RALGAPB: variants seen among roughly 807,000 people sequenced by gnomAD.
RALGAPB encodes the protein Ral GTPase activating protein non-catalytic subunit beta, also known as ral GTPase-activating protein subunit beta.
RALGAPB carries 25 observed loss-of-function variants against 161.1 expected under a neutral mutation model. That is an observed-to-expected ratio of 0.16 (90% CI 0.11 to 0.22). The LOEUF is 0.22. Ranked by LOEUF, RALGAPB falls within the 10% of genes least tolerant of loss-of-function variation. The probability of loss-of-function intolerance (pLI) is 1.00; values close to 1 mark genes in which losing one functional copy is unlikely to be tolerated. For synonymous variants in RALGAPB, 629 were observed against 626.1 expected, an observed-to-expected ratio of 1.00 and a Z score of -0.07; for missense variants, 1,391 against 1,815.2, an observed-to-expected ratio of 0.77 and a Z score of 4.25.
In RALGAPB at chr20:38,577,110, G is replaced by A. The variant is rs979075602; in HGVS notation, c.*2143G>A. On this transcript the variant is annotated 3_prime_UTR_variant, in exon 30 of 30. Transcript: ENST00000262879. ...AAGGAAGGATGTGCAGCCCCTGAAG[G>A]CATGAAACTCCCAGTGTGTACGGAG... is the stretch of plus-strand genomic sequence containing the variant. The A allele has an allele frequency of 3.3e-5, 5 of 152,276 alleles. No homozygotes were observed. The highest frequency in any genetic ancestry group is 1.2e-4 in the African/African-American group (5 of 41,556). The allele number at this position is 152,276 out of a possible 1,614,324, so 9.4% of individuals were successfully genotyped here.
intron 3 of RALGAPB, among the ~76,000 whole-genome samples, chr20:38,496,751 G>A (rs932739582): frequency 6.6e-6 from 1 of 152,186 alleles, no homozygotes; most frequent in Non-Finnish European, 1.5e-5. Flanking sequence ...CTTTGGCTAA[G>A]TGTCTTTTTC....
Position 38,525,468 on chromosome 20 carries a change from C to G in RALGAPB, c.1852C>G (p.Leu618Val). ...TELRRSSINI[L>V]LSLLPLPHHF... Reference sequence around the variant, plus strand: ...ATTGCGAAGATCCTCCATTAATATCCTGCTTTCTTTGTTGCCCCTCCCTCA... The same window carrying G: ...ATTGCGAAGATCCTCCATTAATATCGTGCTTTCTTTGTTGCCCCTCCCTCA... Residue 618 changes from leucine (L) to valine (V), a missense_variant, in exon 12 of 30, where the codon CTG becomes GTG. Leu to Val is a conservative substitution (Grantham distance 32). Coordinates refer to ENST00000262879, the MANE Select transcript of RALGAPB (RefSeq NM_020336.4). 6.2e-7 allele frequency: 1 copy of G among 1,606,710 alleles called. No individual in the cohort carries two copies. The highest frequency in any genetic ancestry group is 8.5e-7 in the Non-Finnish European group (1 of 1,178,142).
intron 6 of RALGAPB, among the ~76,000 whole-genome samples, chr20:38,513,433 G>A (rs2086029502): frequency 6.7e-6 from 1 of 150,172 alleles, no homozygotes; most frequent in Non-Finnish European, 1.5e-5. Context: ...GAACCGGGAA[G>A]CAGAGGTTGC....
chr20:38,564,947 C>T (rs1286015624), intron 24 of RALGAPB, among the ~76,000 whole-genome samples: 1 of 148,584 alleles, frequency 6.7e-6, no homozygotes, highest in African/African-American at 2.5e-5. Flanking sequence ...CTTCCCCCCT[C>T]TCTCTCTCTC....
intron 20 of RALGAPB, among the ~76,000 whole-genome samples, chr20:38,550,703 C>G (rs968361600): frequency 6.6e-6 from 1 of 152,078 alleles, no homozygotes; most frequent in African/African-American, 2.4e-5. Context: ...CCAAACTTGT[C>G]TTTAATTATA....
chr20:38,546,180 T>C (rs1163930149), intron 18 of RALGAPB, 63 bp from the exon 19 acceptor site: 4 of 1,605,386 alleles, frequency 2.5e-6, no homozygotes, highest in Non-Finnish European at 3.4e-6. Flanking sequence ...GACACATTGA[T>C]GCACAAGGTA....
In RALGAPB at chr20:38,472,984, A is replaced by T; in HGVS notation, c.-116A>T. On this transcript the variant is annotated 5_prime_UTR_variant, in exon 1 of 30. An upstream start codon of the reference 5' UTR is lost. Coordinates refer to ENST00000262879, the MANE Select transcript of RALGAPB (RefSeq NM_020336.4). ...CCAGGGCGGTGAAAGCGCCAGCCCT[A>T]TGGCGCGGGTCGCGTGAGGCGGAAG... 1 of 397,862 alleles carries T rather than the reference A, an allele frequency of 2.5e-6. No individual in the cohort carries two copies. Among genetic ancestry groups the T allele is most frequent in the Non-Finnish European group, 4.4e-6 (1 of 225,348 alleles). The allele number at this position is 397,862 out of a possible 1,614,324, so 24.6% of individuals were successfully genotyped here. A position where few individuals can be genotyped will look rare whatever the true frequency, so the allele number is the denominator to read the frequency against.
intron 1 of RALGAPB, among the ~76,000 whole-genome samples, chr20:38,487,154 T>A (rs1568901507): frequency 6.6e-6 from 1 of 152,158 alleles, no homozygotes; most frequent in Admixed American, 6.5e-5. Flanking sequence ...GGCAGTTCAG[T>A]CAGTGGGAGC....
chr20:38,548,712 G>T lies in RALGAPB; in HGVS notation c.2926G>T (p.Val976Leu), dbSNP rs2087258107. Residue 976 changes from valine (V) to leucine (L), a missense_variant, in exon 20 of 30, where the codon GTG becomes TTG. Around this residue, in one of 3 missense-constraint regions of RALGAPB, gnomAD observed 946 missense variants for 1,257.2 expected, o/e 0.75. Transcript: ENST00000262879. Reference sequence around the variant, plus strand: ...AGATGATTTTTTCCCCTCTGTCACTGTGCTGGTCCGGGGAATGTCTGGAAG... The same window carrying T: ...AGATGATTTTTTCCCCTCTGTCACTTTGCTGGTCCGGGGAATGTCTGGAAG... ...EQNDFFPSVT[V>L]LVRGMSGRLA... 3 of 1,613,702 alleles carry T rather than the reference G, an allele frequency of 1.9e-6. No individual in the cohort carries two copies. The African/African-American group carries it at 4.0e-5, about 22-fold the overall frequency.
intron 6 of RALGAPB, among the ~76,000 whole-genome samples, chr20:38,510,067 A>G (rs991499019): frequency 1.3e-5 from 2 of 151,776 alleles, no homozygotes; most frequent in Non-Finnish European, 1.5e-5. Context: ...TTCCTTTGTA[A>G]TAGTAAGTTC....
At chr20:38,503,233 A>G (rs2085648730) in intron 5 of RALGAPB, among the ~76,000 whole-genome samples, 1 of 152,256 alleles carries the variant, frequency 6.6e-6, no homozygotes, top group Non-Finnish European at 1.5e-5. Flanking sequence ...GCTTCTGATT[A>G]GAAGTAGGCT....
intron 21 of RALGAPB, among the ~76,000 whole-genome samples, chr20:38,552,533 A>T (rs529405140): frequency 6.6e-6 from 1 of 152,288 alleles, no homozygotes; most frequent in East Asian, 1.9e-4. Flanking sequence ...AAACCAGTAG[A>T]GAGGAGTCTG....
At chr20:38,567,899 C>T (rs1040118217) in intron 26 of RALGAPB, among the ~76,000 whole-genome samples, 2 of 152,030 alleles carry the variant, frequency 1.3e-5, no homozygotes, top group Non-Finnish European at 1.5e-5. Context: ...AAAGAGAATA[C>T]GGGGAGGTTT....
intron 18 of RALGAPB, 43 bp downstream of exon 18, chr20:38,541,235 G>A: frequency 1.9e-6 from 3 of 1,568,628 alleles, no homozygotes; most frequent in Non-Finnish European, 2.6e-6. Context: ...GGAATTAGAT[G>A]GGGTTAGCAG....
rs1285579896 is a variant in RALGAPB at position 38,577,937 on chromosome 20, G to A, written c.*2970G>A. The A allele has an allele frequency of 6.6e-6, 1 of 152,148 alleles. No individual in the cohort carries two copies. Among genetic ancestry groups the A allele is most frequent in the African/African-American group, 2.4e-5 (1 of 41,410 alleles). The allele number at this position is 152,148 out of a possible 1,614,324, so 9.4% of individuals were successfully genotyped here. A position where few individuals can be genotyped will look rare whatever the true frequency, so the allele number is the denominator to read the frequency against. On this transcript the variant is annotated 3_prime_UTR_variant, in exon 30 of 30. Coordinates refer to ENST00000262879, the MANE Select transcript of RALGAPB (RefSeq NM_020336.4). ...AGCATTTGTCAGACTCTGCAGACTGGGTTCTAGAGAGGCAGAGTCTTTAAG... is the reference window on the plus strand; with the variant it reads ...AGCATTTGTCAGACTCTGCAGACTGAGTTCTAGAGAGGCAGAGTCTTTAAG...
chr20:38,518,385 G>A (rs1213577041), intron 9 of RALGAPB, among the ~76,000 whole-genome samples: 2 of 152,156 alleles, frequency 1.3e-5, no homozygotes, highest in African/African-American at 4.8e-5. Flanking sequence ...GATTTTGACA[G>A]CCATTCACTC....
At chr20:38,492,847 C>A in intron 2 of RALGAPB, 83 bp from the exon 3 acceptor site, 2 of 1,151,862 alleles carry the variant, frequency 1.7e-6, no homozygotes, top group Middle Eastern at 2.2e-4. Context: ...AGGTTTTTGG[C>A]AATAAAAGAG....
chr20:38,516,224 T>C lies in RALGAPB; in HGVS notation c.905T>C (p.Ile302Thr), dbSNP rs142489071. 1.4e-5 allele frequency: 22 copies of C among 1,611,508 alleles called. No homozygotes were observed. Among genetic ancestry groups the C allele is most frequent in the Non-Finnish European group, 1.8e-5 (21 of 1,178,454 alleles). ...GTGGATTTGAGTAACCCAGCTATTA[T>C]AAGCTCTACTCCCAAATTTCAGGAA... ...NPVDLSNPAI[I>T]SSTPKFQEQF... is the part of the protein sequence containing the mutation. The change falls in exon 7 of 30, where the codon ATA becomes ACA. Residue 302 changes from isoleucine (I) to threonine (T), a missense_variant. Physicochemically the swap from Ile to Thr is moderately conservative, Grantham distance 89. Coordinates refer to ENST00000262879, the MANE Select transcript of RALGAPB (RefSeq NM_020336.4).
intron 5 of RALGAPB, among the ~76,000 whole-genome samples, chr20:38,506,710 G>A (rs752337223): frequency 8.5e-5 from 13 of 152,102 alleles, no homozygotes; most frequent in Non-Finnish European, 1.5e-4. Flanking sequence ...CCTCTGCCCC[G>A]CTGTATTTCC....
Sources: allele counts gnomAD v4.1 joint callset (sites outside exome capture counted in the v4.1 genomes callset), GRCh38; gene constraint gnomAD v4.1.1; regional missense constraint gnomAD v4.1.1; transcripts MANE v1.5; gene names NCBI Gene and HGNC (gene_info 2026-07-23, HGNC 2026-07-21).